CDC42BPA: variants seen among roughly 807,000 people sequenced by gnomAD.
The protein encoded by CDC42BPA is serine/threonine-protein kinase MRCK alpha.
In CDC42BPA, 80 loss-of-function variants were observed where a neutral mutation model predicts 223.5. That is an observed-to-expected ratio of 0.36 (90% CI 0.30 to 0.43). CDC42BPA has a LOEUF of 0.43. CDC42BPA is among the 20% of genes least tolerant of loss of function. The probability of loss-of-function intolerance (pLI) is 1.00; values close to 1 mark genes in which losing one functional copy is unlikely to be tolerated. For synonymous variants in CDC42BPA, 694 were observed against 718.6 expected (o/e 0.97, Z 0.55); for missense variants, 1,743 against 2,099.9 (o/e 0.83, Z 3.32).
chr1:227,120,821 T>C (rs1185157323), intron 11 of CDC42BPA, among the ~76,000 whole-genome samples: 1 of 152,170 alleles, frequency 6.6e-6, no homozygotes, highest in African/African-American at 2.4e-5. Flanking sequence ...ATACCCAACC[T>C]TTTTGGCACC....
chr1:227,253,240 A>AGAGAGAGAGAGAGAGCGAGAG (rs1553418775), intron 2 of CDC42BPA, among the ~76,000 whole-genome samples: 2 of 143,080 alleles, frequency 1.4e-5, no homozygotes, highest in African/African-American at 5.3e-5. Flanking sequence ...GAGAGAGAGA[A>AGAGAGAGAGAGAGAGCGAGAG]AGAGAGCGAG....
chr1:227,137,257 G>T (rs1014707446), intron 10 of CDC42BPA, among the ~76,000 whole-genome samples: 1 of 152,044 alleles, frequency 6.6e-6, no homozygotes, highest in Admixed American at 6.5e-5. Flanking sequence ...GTAAATACAT[G>T]AAAAGATATT....
At chr1:227,187,559 G>A (rs73090689) in intron 5 of CDC42BPA, among the ~76,000 whole-genome samples, 4,425 of 149,850 alleles carry the variant, frequency 0.03, 195 homozygotes, top group African/African-American at 0.099. Flanking sequence ...ACATGTAATG[G>A]GAATACCAGA....
At chr1:227,314,888 A>G (rs1045215350) in intron 1 of CDC42BPA, among the ~76,000 whole-genome samples, 32 of 152,182 alleles carry the variant, frequency 2.1e-4, no homozygotes, top group Middle Eastern at 3.4e-3. Context: ...AGTCCCAAAA[A>G]ATAATGTTTA....
At chr1:227,019,103 A>G (rs1666881176) in intron 32 of CDC42BPA, among the ~76,000 whole-genome samples, 1 of 152,250 alleles carries the variant, frequency 6.6e-6, no homozygotes, top group African/African-American at 2.4e-5. Context: ...TACCCACAGT[A>G]GAATTCCTTT....
Position 227,213,129 on chromosome 1 carries a change from C to T in CDC42BPA, c.354+7G>A, listed in dbSNP as rs777035722. ...TATTTATATATTCCAATACATAAGA[C>T]TCTTACCTCAGCTCTTTTCAGCATT... On this transcript the variant is annotated splice_region_variant and intron_variant, in intron 3 of 36. Transcript: ENST00000366766. 1.4e-6 allele frequency: 2 copies of T among 1,385,796 alleles called. No homozygotes were observed. Among genetic ancestry groups the T allele is most frequent in the South Asian group, 2.5e-5 (2 of 79,466 alleles). The allele number at this position is 1,385,796 out of a possible 1,614,324, so 85.8% of individuals were successfully genotyped here.
At chr1:227,033,448 T>A in intron 26 of CDC42BPA, 33 bp from the exon 27 acceptor site, 1 of 1,412,846 alleles carries the variant, frequency 7.1e-7, no homozygotes, top group East Asian at 2.3e-5. Flanking sequence ...AAAGTTACTA[T>A]ATGTGGCTAT....
chr1:227,029,361 G>A, intron 29 of CDC42BPA, 111 bp from the exon 30 acceptor site: 1 of 675,976 alleles, frequency 1.5e-6, no homozygotes, highest in Non-Finnish European at 2.4e-6. Flanking sequence ...GGAAGAATAA[G>A]ACATCAGAAG....
chr1:227,119,956 G>T lies in CDC42BPA; in HGVS notation c.1514-19C>A. 6.4e-7 allele frequency: 1 copy of T among 1,556,074 alleles called. No individual in the cohort carries two copies. The highest frequency in any genetic ancestry group is 8.7e-7 in the Non-Finnish European group (1 of 1,155,734). ...CTTGATTCTAAAAACAAAAGACAATGTTTCTTTTACTATTTGTATAAAAGC... is the reference window on the plus strand; with the variant it reads ...CTTGATTCTAAAAACAAAAGACAATTTTTCTTTTACTATTTGTATAAAAGC... On this transcript the variant is annotated intron_variant, in intron 11 of 36. Transcript: ENST00000366766.
chr1:227,203,556 CT>C (rs943196657), intron 3 of CDC42BPA, among the ~76,000 whole-genome samples: 1 of 151,872 alleles, frequency 6.6e-6, no homozygotes, highest in Non-Finnish European at 1.5e-5. Flanking sequence ...ACTTCATTAC[CT>C]TTTTTAAAAA....
rs967118233 is a variant in CDC42BPA, at chr1:227,168,327, CTTCT to C, written c.600-7695_600-7692del. On this transcript the variant is annotated intron_variant, in intron 5 of 36. Transcript: ENST00000366766. ...TAGAATTCTTAAGTCTCTCTTTTAG[CTTCT>C]TTATTTTCTAATGAGAATTCATCTC... 3.9e-5 allele frequency among the ~76,000 whole-genome samples: 6 copies of C among 152,040 alleles called. No homozygotes were observed. In the South Asian group the frequency reaches 1.0e-3, roughly 26 times the overall value.
At chr1:227,135,329 T>C (rs1658264581) in intron 10 of CDC42BPA, among the ~76,000 whole-genome samples, 1 of 152,144 alleles carries the variant, frequency 6.6e-6, no homozygotes, top group South Asian at 2.1e-4. Context: ...TCTCCGATAG[T>C]ACAGAATTAT....
chr1:227,059,102 C>T (rs1675228074), intron 21 of CDC42BPA, among the ~76,000 whole-genome samples: 1 of 152,038 alleles, frequency 6.6e-6, no homozygotes, highest in Non-Finnish European at 1.5e-5. Context: ...GATCACTTTT[C>T]CCCTTGATCA....
At chr1:226,995,494 T>C (rs932070794) in intron 35 of CDC42BPA, among the ~76,000 whole-genome samples, 1 of 128,560 alleles carries the variant, frequency 7.8e-6, no homozygotes, top group Admixed American at 7.5e-5. Context: ...AGCTCGGTTG[T>C]ACCATCCCGA....
intron 5 of CDC42BPA, among the ~76,000 whole-genome samples, chr1:227,162,763 G>A (rs901259790): frequency 3.3e-5 from 5 of 152,204 alleles, no homozygotes; most frequent in Admixed American, 6.5e-5. Context: ...CTGAGCCTGG[G>A]AGGTCAAGGC....
chr1:227,094,255 G>T (rs1408356795), intron 15 of CDC42BPA, among the ~76,000 whole-genome samples: 2 of 152,180 alleles, frequency 1.3e-5, no homozygotes, highest in African/African-American at 4.8e-5. Context: ...TATTTAAAAT[G>T]TGAGAGCAGT....
At chr1:227,258,311 A>G (rs1399024052) in intron 1 of CDC42BPA, among the ~76,000 whole-genome samples, 1 of 150,944 alleles carries the variant, frequency 6.6e-6, no homozygotes, top group Admixed American at 6.6e-5. Context: ...GGCATCCTTA[A>G]ACCGAAACCT....
intron 5 of CDC42BPA, among the ~76,000 whole-genome samples, chr1:227,192,279 A>C (rs1669847978): frequency 6.7e-6 from 1 of 149,178 alleles, no homozygotes; most frequent in African/African-American, 2.5e-5. Flanking sequence ...CCCAAAACTT[A>C]AAAGAAACAG....
At chr1:227,060,717 CTTT>C (rs59728048) in intron 21 of CDC42BPA, among the ~76,000 whole-genome samples, 2,472 of 95,124 alleles carry the variant, frequency 0.026, 26 homozygotes, top group African/African-American at 0.09. Flanking sequence ...TAAATAGGTA[CTTT>C]TTTTTTTTTT....
Sources: gnomAD v4.1 joint callset for allele counts (sites outside exome capture counted in the v4.1 genomes callset) on GRCh38, gnomAD v4.1.1 for gene constraint, MANE v1.5 for transcripts, NCBI Gene and HGNC (gene_info 2026-07-23, HGNC 2026-07-21) for gene names.